The following MYZAP variants were observed in gnomAD, a reference collection of about 807,000 sequenced individuals.
MYZAP encodes the protein myocardial zonula adherens protein.
In MYZAP, 66 loss-of-function variants were observed where a neutral mutation model predicts 69.4. That is an observed-to-expected ratio of 0.95 (90% CI 0.78 to 1.17). The LOEUF (loss-of-function observed/expected upper bound fraction) is 1.17, where lower values mean the gene tolerates loss of function less well. Among genes scored for constraint, MYZAP ranks in the 50% most tolerant of loss-of-function variants. The pLI is 0.00. For missense variants in MYZAP, 611 were observed against 556.2 expected, an observed-to-expected ratio of 1.10 and a Z score of -0.99; for synonymous variants, 256 against 205.9, an observed-to-expected ratio of 1.24 and a Z score of -2.09.
intron 2 of MYZAP, 89 bp downstream of exon 2, chr15:57,604,444 A>C: frequency 7.0e-7 from 1 of 1,434,890 alleles, no homozygotes; most frequent in South Asian, 1.3e-5. Flanking sequence ...CCATTCCCAG[A>C]GGCTGGGTGT....
intron 2 of MYZAP, among the ~76,000 whole-genome samples, chr15:57,616,885 G>A (rs2035500084): frequency 7.9e-6 from 1 of 125,824 alleles, no homozygotes; most frequent in Admixed American, 9.8e-5. Context: ...AAAGGCAGTT[G>A]AAAAGTTAGC....
intron 8 of MYZAP, 127 bp from the exon 9 acceptor site, chr15:57,637,568 G>A: frequency 2.2e-6 from 2 of 911,180 alleles, no homozygotes; most frequent in South Asian, 1.7e-5. Flanking sequence ...GGGCTTTGCT[G>A]AGCAGGTGTG....
chr15:57,668,894 A>ATATATATATATATATT (rs1252525814), intron 11 of MYZAP, among the ~76,000 whole-genome samples: 13 of 62,594 alleles, frequency 2.1e-4, no homozygotes, highest in Non-Finnish European at 3.4e-4. Flanking sequence ...ATATATATAT[A>ATATATATATATATATT]TTTTTTTTTT....
At chr15:57,654,982 T>G (rs1181679324) in intron 10 of MYZAP, among the ~76,000 whole-genome samples, 3 of 152,162 alleles carry the variant, frequency 2.0e-5, no homozygotes, top group Non-Finnish European at 2.9e-5. Flanking sequence ...TTATCTTTTA[T>G]ATGAGATAAT....
At chr15:57,633,516 G>A in intron 7 of MYZAP, 97 bp from the exon 8 acceptor site, 1 of 1,397,420 alleles carries the variant, frequency 7.2e-7, no homozygotes, top group East Asian at 2.6e-5. Context: ...ATGTTTTAAA[G>A]AGAAATCGTG....
Position 57,619,028 on chromosome 15 carries a change from A to G in MYZAP, c.318+840A>G, listed in dbSNP as rs1730747981. Among the ~76,000 whole-genome samples the G allele has an allele frequency of 2.0e-5, 3 of 152,178 alleles. No individual in the cohort carries two copies. In the South Asian group the frequency reaches 6.2e-4, roughly 32 times the overall value. On this transcript the variant is annotated intron_variant, in intron 3 of 12. Coordinates refer to ENST00000267853, the MANE Select transcript of MYZAP (RefSeq NM_001018100.5). ...CTCCAGCTCTGTGTCTGGCCCAGCA[A>G]GTCACTTTTGCTCTGTGCAGGCTTC...
At chr15:57,636,624 G>C (rs74016366) in intron 8 of MYZAP, among the ~76,000 whole-genome samples, 7,806 of 152,230 alleles carry the variant, frequency 0.051, 236 homozygotes, top group Middle Eastern at 0.14. Flanking sequence ...TGATAAACTT[G>C]CATTTTAAGG....
chr15:57,679,189 A>G lies in MYZAP; in HGVS notation c.1304+4121A>G, dbSNP rs114097077. Among the ~76,000 whole-genome samples, 229 of 152,292 alleles carry G rather than the reference A, an allele frequency of 1.5e-3. 1 individual carries two copies. Among genetic ancestry groups the G allele is most frequent in the African/African-American group, 5.3e-3 (220 of 41,572 alleles). ...GAAACTCCGTCTCAAAAAAAAATGC[A>G]TTTAGTTGATGCTCAATAAACATTT... On this transcript the variant is annotated intron_variant, in intron 12 of 12. Transcript: ENST00000267853.
intron 11 of MYZAP, among the ~76,000 whole-genome samples, 192 bp from the exon 12 acceptor site, chr15:57,674,776 T>C (rs2039033272): frequency 6.6e-6 from 1 of 152,240 alleles, no homozygotes; most frequent in Non-Finnish European, 1.5e-5. Flanking sequence ...TGTACATGCA[T>C]AGCAAGCCAT....
At chr15:57,638,032 A>G (rs1205612027) in intron 9 of MYZAP, among the ~76,000 whole-genome samples, 1 of 152,248 alleles carries the variant, frequency 6.6e-6, no homozygotes, top group South Asian at 2.1e-4. Context: ...AGTTTGGTCT[A>G]TTAATGTTCT....
At chr15:57,680,429 A>C (rs574743154) in intron 12 of MYZAP, among the ~76,000 whole-genome samples, 3 of 151,888 alleles carry the variant, frequency 2.0e-5, no homozygotes, top group Non-Finnish European at 4.4e-5. Flanking sequence ...GGATCTCTTC[A>C]TAAAGAGAGA....
intron 3 of MYZAP, among the ~76,000 whole-genome samples, chr15:57,618,470 CTT>C (rs1405127745): frequency 2.0e-5 from 3 of 152,056 alleles, no homozygotes; most frequent in Non-Finnish European, 4.4e-5. Flanking sequence ...TTTGGAGGCT[CTT>C]GAGTGGTTTT....
intron 6 of MYZAP, among the ~76,000 whole-genome samples, chr15:57,631,034 C>T (rs545334347): frequency 6.6e-6 from 1 of 152,226 alleles, no homozygotes; most frequent in Non-Finnish European, 1.5e-5. Context: ...CTGCCACAGC[C>T]ATGGGACAGA....
chr15:57,602,677 A>G (rs925465037), intron 1 of MYZAP, among the ~76,000 whole-genome samples: 5 of 152,234 alleles, frequency 3.3e-5, no homozygotes, highest in African/African-American at 1.2e-4. Context: ...GATGGGGACC[A>G]TGAGTATAAG....
chr15:57,647,906 G>A (rs2037525117), intron 10 of MYZAP: 2 of 985,310 alleles, frequency 2.0e-6, no homozygotes, highest in African/African-American at 3.5e-5. Flanking sequence ...TACTGCTTGT[G>A]AAACCTGAGT....
At chr15:57,635,671 A>G (rs1056174603) in intron 8 of MYZAP, among the ~76,000 whole-genome samples, 3 of 152,230 alleles carry the variant, frequency 2.0e-5, no homozygotes, top group Non-Finnish European at 2.9e-5. Flanking sequence ...AGGTAGGCCA[A>G]TTTACACTGT....
At chr15:57,676,289 C>T (rs1364397807) in intron 12 of MYZAP, among the ~76,000 whole-genome samples, 1 of 151,602 alleles carries the variant, frequency 6.6e-6, no homozygotes, top group African/African-American at 2.4e-5. Context: ...AAAGAATTTA[C>T]CAAAAGCGGC....
intron 11 of MYZAP, among the ~76,000 whole-genome samples, chr15:57,668,212 G>C (rs1946356): frequency 0.87 from 132,741 of 152,212 alleles, 59,943 homozygotes; most frequent in Non-Finnish European, 0.98. Flanking sequence ...GTTGTTTCCA[G>C]CTCTGGGCTA....
At chr15:57,608,916 C>T (rs1393516393) in intron 2 of MYZAP, among the ~76,000 whole-genome samples, 2 of 152,128 alleles carry the variant, frequency 1.3e-5, no homozygotes, top group Admixed American at 1.3e-4. Context: ...TCTAAGTCTT[C>T]CCTGTCCTTG....
Sources: gnomAD v4.1 joint callset for allele counts (sites outside exome capture counted in the v4.1 genomes callset) on GRCh38, gnomAD v4.1.1 for gene constraint, MANE v1.5 for transcripts, NCBI Gene and HGNC (gene_info 2026-07-23, HGNC 2026-07-21) for gene names.